KCNC2: variants seen among roughly 807,000 people sequenced by gnomAD.
KCNC2 encodes voltage-gated potassium channel KCNC2.
A neutral mutation model predicts 44.5 loss-of-function variants in KCNC2; 21 were observed. The observed-to-expected ratio is 0.47, with a 90% CI of 0.33 to 0.68. The LOEUF (loss-of-function observed/expected upper bound fraction) is 0.68, where lower values mean the gene tolerates loss of function less well. Ranked by LOEUF, KCNC2 falls within the 30% of genes least tolerant of loss-of-function variation. The probability of loss-of-function intolerance (pLI) is 0.01; values close to 1 mark genes in which losing one functional copy is unlikely to be tolerated. For missense variants in KCNC2, 589 were observed against 826.2 expected (o/e 0.71, Z 3.52); for synonymous variants, 391 against 339.1 (o/e 1.15, Z -1.68).
intron 1 of KCNC2, among the ~76,000 whole-genome samples, chr12:75,208,944 A>G (rs1002979306): frequency 3.3e-5 from 5 of 152,014 alleles, no homozygotes; most frequent in African/African-American, 9.7e-5. Context: ...CAAATCCCTT[A>G]GTGGGTGGAG....
intron 2 of KCNC2, among the ~76,000 whole-genome samples, chr12:75,193,799 C>A (rs955664411): frequency 6.6e-6 from 1 of 152,104 alleles, no homozygotes; most frequent in Non-Finnish European, 1.5e-5. Flanking sequence ...GTGTTCTGCA[C>A]AATCCTGCCA....
At chr12:75,147,364 CA>C (rs1398752735) in intron 2 of KCNC2, among the ~76,000 whole-genome samples, 1 of 152,048 alleles carries the variant, frequency 6.6e-6, no homozygotes, top group Non-Finnish European at 1.5e-5. Flanking sequence ...GATTATTAAC[CA>C]GACAACGTTT....
At chr12:75,164,972 T>C (rs1017800787) in intron 2 of KCNC2, among the ~76,000 whole-genome samples, 1 of 151,634 alleles carries the variant, frequency 6.6e-6, no homozygotes, top group African/African-American at 2.4e-5. Flanking sequence ...ATAACCATTG[T>C]TTAGGAAGTA....
intron 2 of KCNC2, among the ~76,000 whole-genome samples, chr12:75,068,946 G>A (rs1256352618): frequency 6.6e-6 from 1 of 152,004 alleles, no homozygotes; most frequent in African/African-American, 2.4e-5. Context: ...TGTTGTCATT[G>A]CTTGGTTTTT....
chr12:75,182,526 A>C (rs967454338), intron 2 of KCNC2, among the ~76,000 whole-genome samples: 1 of 139,566 alleles, frequency 7.2e-6, no homozygotes, highest in African/African-American at 2.6e-5. Context: ...GTCTCAAAAA[A>C]AAAAAAAAAA....
At chr12:75,049,662 A>G (rs958876731) in intron 3 of KCNC2, among the ~76,000 whole-genome samples, 2 of 152,072 alleles carry the variant, frequency 1.3e-5, no homozygotes, top group African/African-American at 4.8e-5. Flanking sequence ...TTGTACCTAA[A>G]AAGGAATTCC....
chr12:75,135,174 T>G (rs1369201329), intron 2 of KCNC2, among the ~76,000 whole-genome samples: 1 of 151,782 alleles, frequency 6.6e-6, no homozygotes, highest in East Asian at 1.9e-4. Context: ...CAAATGTGAA[T>G]AAGTTCAGGA....
intron 2 of KCNC2, among the ~76,000 whole-genome samples, chr12:75,125,161 C>T (rs1888326345): frequency 6.6e-6 from 1 of 152,110 alleles, no homozygotes; most frequent in Admixed American, 6.5e-5. Context: ...AGGCAAAGAA[C>T]ATCAAATAGG....
At chr12:75,205,896 G>GAA (rs34368348) in intron 2 of KCNC2, among the ~76,000 whole-genome samples, 1,551 of 97,470 alleles carry the variant, frequency 0.016, 35 homozygotes, top group African/African-American at 0.055. Context: ...GGCATGGCCT[G>GAA]AAAAAAAAAA....
chr12:75,107,104 A>T (rs1886850916), intron 2 of KCNC2, among the ~76,000 whole-genome samples: 2 of 152,166 alleles, frequency 1.3e-5, no homozygotes, highest in Non-Finnish European at 2.9e-5. Flanking sequence ...GGAGATCGAG[A>T]CCATCCTAGC....
Position 75,042,339 on chromosome 12 carries a change from G to C in KCNC2, c.*766C>G. ...TAAGTAAGAGATCTGGCCTCGGCTT[G>C]CGTGTAACCAGTAATGACAACCTCT... On this transcript the variant is annotated 3_prime_UTR_variant, in exon 5 of 5. Coordinates refer to ENST00000549446, the MANE Select transcript of KCNC2 (RefSeq NM_139137.4). 1 of 1,612,084 alleles carries C rather than the reference G, an allele frequency of 6.2e-7. No individual in the cohort carries two copies. The highest frequency in any genetic ancestry group is 8.5e-7 in the Non-Finnish European group (1 of 1,178,784).
chr12:75,200,349 G>C (rs1048839164), intron 2 of KCNC2, among the ~76,000 whole-genome samples: 1 of 151,876 alleles, frequency 6.6e-6, no homozygotes, highest in Non-Finnish European at 1.5e-5. Flanking sequence ...AGTTGTGCCA[G>C]ATGATTGCCA....
chr12:75,064,799 A>G (rs1198163343), intron 2 of KCNC2, among the ~76,000 whole-genome samples: 1 of 152,018 alleles, frequency 6.6e-6, no homozygotes, highest in Non-Finnish European at 1.5e-5. Flanking sequence ...TGATCAGAAA[A>G]TATTTTCTTT....
intron 2 of KCNC2, among the ~76,000 whole-genome samples, chr12:75,105,994 G>A (rs560557650): frequency 2.6e-5 from 4 of 151,774 alleles, no homozygotes; most frequent in Non-Finnish European, 5.9e-5. Flanking sequence ...TTTAAGAACT[G>A]AGCTCCCAGA....
chr12:75,131,882 G>C (rs1753199628), intron 2 of KCNC2, among the ~76,000 whole-genome samples: 1 of 152,104 alleles, frequency 6.6e-6, no homozygotes, highest in Admixed American at 6.6e-5. Context: ...CTTCAGGAAG[G>C]AATACCGTTG....
chr12:75,173,090 C>A (rs769421664), intron 2 of KCNC2, among the ~76,000 whole-genome samples: 4 of 151,798 alleles, frequency 2.6e-5, no homozygotes, highest in African/African-American at 4.8e-5. Context: ...TGAATATTGG[C>A]ATAGATACAA....
chr12:75,149,104 C>T (rs528071854), intron 2 of KCNC2, among the ~76,000 whole-genome samples: 1 of 151,698 alleles, frequency 6.6e-6, no homozygotes, highest in African/African-American at 2.4e-5. Context: ...TGGCCAATTC[C>T]CAATAACTCA....
At chr12:75,133,845 G>C (rs1889031939) in intron 2 of KCNC2, among the ~76,000 whole-genome samples, 1 of 151,902 alleles carries the variant, frequency 6.6e-6, no homozygotes, top group African/African-American at 2.4e-5. Flanking sequence ...GCAGTAACAA[G>C]AGAGTGATGA....
At chr12:75,114,933 G>T (rs1294781359) in intron 2 of KCNC2, among the ~76,000 whole-genome samples, 2 of 139,164 alleles carry the variant, frequency 1.4e-5, no homozygotes, top group African/African-American at 5.4e-5. Context: ...GCGCGATCTC[G>T]GCTCACTGCA....
Sources: gnomAD v4.1 joint callset for allele counts (sites outside exome capture counted in the v4.1 genomes callset) on GRCh38, gnomAD v4.1.1 for gene constraint, MANE v1.5 for transcripts, NCBI Gene and HGNC (gene_info 2026-07-23, HGNC 2026-07-21) for gene names.